SLC35F4: variants seen among roughly 807,000 people sequenced by gnomAD.
SLC35F4 encodes chromosome 14 open reading frame 36.
SLC35F4 carries 24 observed loss-of-function variants against 44.2 expected under a neutral mutation model. That is an observed-to-expected ratio of 0.54 (90% CI 0.39 to 0.76). The LOEUF (loss-of-function observed/expected upper bound fraction) is 0.76. Ranked by LOEUF, SLC35F4 falls within the 30% of genes least tolerant of loss-of-function variation. SLC35F4 has a pLI of 0.00. For missense variants in SLC35F4, 562 were observed against 586.1 expected, an observed-to-expected ratio of 0.96 and a Z score of 0.42; for synonymous variants, 238 against 223.6, an observed-to-expected ratio of 1.06 and a Z score of -0.57.
chr14:57,930,456 G>T (rs1160199410), intron 1 of SLC35F4, among the ~76,000 whole-genome samples: 1 of 152,040 alleles, frequency 6.6e-6, no homozygotes, highest in Non-Finnish European at 1.5e-5. Flanking sequence ...CCACCACGTG[G>T]AAACACCAGG....
At chr14:57,833,226 C>A (rs1356614582) in intron 1 of SLC35F4, among the ~76,000 whole-genome samples, 2 of 152,198 alleles carry the variant, frequency 1.3e-5, no homozygotes, top group Admixed American at 1.3e-4. Context: ...TTCTCATATT[C>A]TTTCACGGTC....
At chr14:57,765,709 T>C (rs1024159073) in intron 1 of SLC35F4, among the ~76,000 whole-genome samples, 2 of 152,154 alleles carry the variant, frequency 1.3e-5, no homozygotes, top group Non-Finnish European at 2.9e-5. Context: ...TTGCCAATCA[T>C]AAATTAAATG....
intron 1 of SLC35F4, among the ~76,000 whole-genome samples, chr14:57,656,764 C>G (rs2140221992): frequency 6.6e-6 from 1 of 152,250 alleles, no homozygotes; most frequent in Admixed American, 6.5e-5. Flanking sequence ...GTCTGTGCCT[C>G]TATTATTACT....
chr14:57,729,818 T>C (rs2076301949), intron 1 of SLC35F4, among the ~76,000 whole-genome samples: 1 of 152,148 alleles, frequency 6.6e-6, no homozygotes, highest in Admixed American at 6.5e-5. Flanking sequence ...GCCTTTCAAG[T>C]TTACCTGGGA....
chr14:57,872,726 C>T (rs1217225742), intron 1 of SLC35F4, among the ~76,000 whole-genome samples: 2 of 152,178 alleles, frequency 1.3e-5, no homozygotes, highest in Non-Finnish European at 2.9e-5. Flanking sequence ...TCTGAATGGA[C>T]TTCCCTGAGA....
intron 1 of SLC35F4, among the ~76,000 whole-genome samples, chr14:57,933,982 A>G (rs1166772909): frequency 6.6e-6 from 1 of 152,222 alleles, no homozygotes. Context: ...GGGGTTTGCC[A>G]TCGGTCTTCA....
chr14:57,809,089 C>T (rs937946087), intron 1 of SLC35F4, among the ~76,000 whole-genome samples: 20 of 152,178 alleles, frequency 1.3e-4, no homozygotes, highest in South Asian at 4.1e-4. Flanking sequence ...CGTTTTTCCC[C>T]GCCAGGAACC....
intron 1 of SLC35F4, among the ~76,000 whole-genome samples, chr14:57,726,791 G>GGT (rs1294017190): frequency 6.6e-6 from 1 of 152,062 alleles, no homozygotes; most frequent in Non-Finnish European, 1.5e-5. Context: ...ATTCATCTTG[G>GGT]GTGTGTCTGT....
At chr14:57,800,577 A>T (rs1184551977) in intron 1 of SLC35F4, among the ~76,000 whole-genome samples, 1 of 152,184 alleles carries the variant, frequency 6.6e-6, no homozygotes, top group East Asian at 1.9e-4. Context: ...GCTGAGCTAA[A>T]GGGGCATGTT....
chr14:57,721,046 T>A (rs2076075921), intron 1 of SLC35F4, among the ~76,000 whole-genome samples: 1 of 146,298 alleles, frequency 6.8e-6, no homozygotes, highest in East Asian at 2.0e-4. Flanking sequence ...TATATATATA[T>A]ATCTCCTATT....
chr14:57,757,029 T>C (rs923841736), intron 1 of SLC35F4, among the ~76,000 whole-genome samples: 1 of 152,192 alleles, frequency 6.6e-6, no homozygotes, highest in African/African-American at 2.4e-5. Flanking sequence ...TTTTCATTTC[T>C]CTTTGCAATT....
At chr14:57,865,160 C>A (rs574587903) in intron 1 of SLC35F4, among the ~76,000 whole-genome samples, 185 of 150,874 alleles carry the variant, frequency 1.2e-3, no homozygotes, top group Non-Finnish European at 2.3e-3. Flanking sequence ...GGGTGAAGAA[C>A]CTCCTAAAGA....
chr14:57,977,554 C>T (rs1881255142), intron 1 of SLC35F4, among the ~76,000 whole-genome samples: 1 of 152,152 alleles, frequency 6.6e-6, no homozygotes, highest in Non-Finnish European at 1.5e-5. Flanking sequence ...AGCTGTAATC[C>T]ATCACTGTAG....
chr14:57,958,337 C>A (rs1426142495), intron 1 of SLC35F4, among the ~76,000 whole-genome samples: 2 of 152,152 alleles, frequency 1.3e-5, no homozygotes, highest in Non-Finnish European at 2.9e-5. Flanking sequence ...AGATTACATG[C>A]GTGAGCCACT....
At chr14:57,919,655 G>A (rs867630356) in intron 1 of SLC35F4, among the ~76,000 whole-genome samples, 13 of 152,118 alleles carry the variant, frequency 8.5e-5, no homozygotes, top group African/African-American at 3.1e-4. Context: ...ATCTGGGGGT[G>A]GGGGAGCGTG....
At chr14:57,587,095 T>C (rs1334885661) in intron 3 of SLC35F4, among the ~76,000 whole-genome samples, 2 of 152,176 alleles carry the variant, frequency 1.3e-5, no homozygotes, top group Non-Finnish European at 2.9e-5. Context: ...CCAGTTAGAA[T>C]GGTGATCATT....
At chr14:57,627,320 G>A (rs1205500016) in intron 1 of SLC35F4, among the ~76,000 whole-genome samples, 1 of 152,082 alleles carries the variant, frequency 6.6e-6, no homozygotes, top group African/African-American at 2.4e-5. Context: ...AATATATTTA[G>A]AGTAGAGAAA....
chr14:57,975,348 C>A (rs1881185469), downstream of SLC35F4, among the ~76,000 whole-genome samples: 1 of 152,242 alleles, frequency 6.6e-6, no homozygotes, highest in Non-Finnish European at 1.5e-5. Flanking sequence ...AAGTAAACTA[C>A]TGGGGTTCCA....
intron 1 of SLC35F4, among the ~76,000 whole-genome samples, chr14:57,659,038 T>C (rs976422192): frequency 1.1e-4 from 16 of 152,268 alleles, no homozygotes; most frequent in Middle Eastern, 3.4e-3. Context: ...TCAGATATCA[T>C]TGTCTAGGGA....
Sources: allele counts gnomAD v4.1 joint callset (sites outside exome capture counted in the v4.1 genomes callset), GRCh38; gene constraint gnomAD v4.1.1; transcripts MANE v1.5; gene names NCBI Gene and HGNC (gene_info 2026-07-23, HGNC 2026-07-21).